Variants in CTSO observed in about 807,000 individuals in gnomAD.
The protein encoded by CTSO is cathepsin O.
In CTSO, 40 loss-of-function variants were observed where a neutral mutation model predicts 42.4. The ratio of observed to expected loss-of-function variants is 0.94; its 90% CI spans 0.73 to 1.23. The LOEUF (loss-of-function observed/expected upper bound fraction) is 1.23, where lower values mean the gene tolerates loss of function less well. Among genes scored for constraint, CTSO ranks in the 50% most tolerant of loss-of-function variants. The pLI is 0.00. For missense variants in CTSO, 441 were observed against 396.0 expected (o/e 1.11, Z -0.96); for synonymous variants, 156 against 146.2 (o/e 1.07, Z -0.48).
intron 1 of CTSO, among the ~76,000 whole-genome samples, chr4:155,950,506 GAA>G (rs10550978): frequency 0.16 from 24,582 of 152,072 alleles, 2,525 homozygotes; most frequent in Non-Finnish European, 0.24. Flanking sequence ...AGATTCATCA[GAA>G]AAAGTCTGCT....
Position 155,928,418 on chromosome 4 carries a change from T to C in CTSO, c.849A>G (p.Pro283=). ...ITGFDKTGST[P]YWIVRNSWGS... is the part of the protein sequence containing the mutation. ...CCCAGGAATTCCGCACAATCCAATA[T>C]GGAGTGCTTCCTACAGTGAAACATA... Residue 283 remains proline (P), a synonymous_variant, in exon 7 of 8, where the codon CCA becomes CCG. Transcript: ENST00000433477. The C allele has an allele frequency of 1.5e-5, 24 of 1,610,002 alleles. No individual in the cohort carries two copies. The highest frequency in any genetic ancestry group is 2.0e-5 in the Non-Finnish European group (24 of 1,177,514).
Position 155,937,468 on chromosome 4 carries a change from C to A in CTSO, c.568G>T (p.Val190Leu). The A allele has an allele frequency of 3.1e-6, 5 of 1,613,096 alleles. No individual in the cohort carries two copies. Among genetic ancestry groups the A allele is most frequent in the Non-Finnish European group, 4.2e-6 (5 of 1,179,450 alleles). ...TTAAAAGGATATTCTGAATCTTTCA[C>A]CAGTTTTACTTGCATCTAAAAGAAA... ...NWLNKMQVKL[V>L]KDSEYPFKAQ... The change falls in exon 5 of 8, where the codon GTG becomes TTG. Residue 190 changes from valine to leucine, a missense_variant. Physicochemically the swap from Val to Leu is conservative, Grantham distance 32 (BLOSUM62 1). Coordinates refer to ENST00000433477, the MANE Select transcript of CTSO (RefSeq NM_001334.3).
At chr4:155,942,515 T>C (rs1309326210) in intron 2 of CTSO, 59 bp from the exon 3 acceptor site, 1 of 719,046 alleles carries the variant, frequency 1.4e-6, no homozygotes, top group Non-Finnish European at 1.8e-6. Context: ...TATTATATTA[T>C]ATATATCATA....
intron 1 of CTSO, among the ~76,000 whole-genome samples, chr4:155,945,247 C>A (rs1282660781): frequency 6.6e-6 from 1 of 151,214 alleles, no homozygotes; most frequent in Non-Finnish European, 1.5e-5. Context: ...ACAGAGCGAG[C>A]CTCCAACTCA....
chr4:155,941,587 G>A (rs1055662882), intron 3 of CTSO, among the ~76,000 whole-genome samples: 3 of 152,180 alleles, frequency 2.0e-5, no homozygotes, highest in African/African-American at 7.2e-5. Context: ...GTGTAAAACT[G>A]TGCTACTGTG....
chr4:155,943,301 G>T, intron 1 of CTSO, 37 bp from the exon 2 acceptor site: 1 of 1,309,800 alleles, frequency 7.6e-7, no homozygotes, highest in Non-Finnish European at 1.1e-6. Context: ...TATCCACTAT[G>T]TCAGTTTTCC....
At chr4:155,939,902 G>A (rs1743398695) in intron 3 of CTSO, among the ~76,000 whole-genome samples, 1 of 152,114 alleles carries the variant, frequency 6.6e-6, no homozygotes, top group African/African-American at 2.4e-5. Flanking sequence ...TCTGGAGAGT[G>A]TGTGCCGACT....
intron 1 of CTSO, among the ~76,000 whole-genome samples, chr4:155,950,454 G>T (rs1743651879): frequency 6.6e-6 from 1 of 152,162 alleles, no homozygotes; most frequent in Non-Finnish European, 1.5e-5. Flanking sequence ...ATGATTTTAA[G>T]TTTATGATAT....
intron 6 of CTSO, 141 bp downstream of exon 6, chr4:155,929,400 TA>T (rs1205819576): frequency 5.1e-6 from 4 of 783,162 alleles, no homozygotes. Context: ...CATTTACTCC[TA>T]TAAGATTGTT....
intron 1 of CTSO, among the ~76,000 whole-genome samples, chr4:155,943,497 A>G (rs1743477741): frequency 6.6e-6 from 1 of 152,176 alleles, no homozygotes; most frequent in South Asian, 2.1e-4. Flanking sequence ...TTATTCATTT[A>G]TAATTCCCCA....
In CTSO at chr4:155,942,450, T is replaced by C; in HGVS notation, c.251A>G (p.Tyr84Cys). 6.6e-7 allele frequency: 1 copy of C among 1,526,490 alleles called. No homozygotes were observed. The highest frequency in any genetic ancestry group is 8.8e-7 in the Non-Finnish European group (1 of 1,136,680). 94.6% of individuals were successfully genotyped at this position (1,526,490 alleles called of 1,614,324 possible). A position where few individuals can be genotyped will look rare whatever the true frequency, so the allele number is the denominator to read the frequency against. Residue 84 changes from tyrosine (Y) to cysteine (C), a missense_variant, in exon 3 of 8, where the codon TAT becomes TGT. Physicochemically the swap from Tyr to Cys is radical, Grantham distance 194. Transcript: ENST00000433477. ...YLFPEEFKAI[Y>C]LRSKPSKFPR... is the part of the protein sequence containing the mutation. The stretch of plus-strand genomic sequence containing the variant: ...AAACTTGGAAGGTTTGCTTCTTAAA[T>C]AAATGGCTGAGTAGAAACATAAAAT...
rs1009180813 is a variant in CTSO, at chr4:155,925,047, T to C, written c.*989A>G. 1 of 152,112 alleles carries C rather than the reference T, an allele frequency of 6.6e-6. No individual in the cohort carries two copies. The highest frequency in any genetic ancestry group is 1.5e-5 in the Non-Finnish European group (1 of 68,052). 9.4% of individuals were successfully genotyped at this position (152,112 alleles called of 1,614,324 possible). A position where few individuals can be genotyped will look rare whatever the true frequency, so the allele number is the denominator to read the frequency against. ...GGGACTTTGATAGGAGTGGTGCTTA[T>C]GAATTAAGGGAGGAAGAAAGAGGTG... is the stretch of plus-strand genomic sequence containing the variant. On this transcript the variant is annotated 3_prime_UTR_variant, in exon 8 of 8. Transcript: ENST00000433477.
intron 2 of CTSO, among the ~76,000 whole-genome samples, chr4:155,942,746 T>C (rs1448047429): frequency 6.6e-6 from 1 of 152,026 alleles, no homozygotes; most frequent in Non-Finnish European, 1.5e-5. Context: ...CAAAAGAGAA[T>C]TCCTACAATA....
chr4:155,925,906 A>G lies in CTSO; in HGVS notation c.*130T>C. 1 of 770,278 alleles carries G rather than the reference A, an allele frequency of 1.3e-6. No individual in the cohort carries two copies. Among genetic ancestry groups the G allele is most frequent in the Non-Finnish European group, 2.1e-6 (1 of 473,644 alleles). 47.7% of individuals were successfully genotyped at this position (770,278 alleles called of 1,614,324 possible). ...GAACATTCTGAAACTTAGTTTAAAT[A>G]CTACTAGGCCTTAGAATCTTTTGTA... On this transcript the variant is annotated 3_prime_UTR_variant, in exon 8 of 8. Coordinates refer to ENST00000433477, the MANE Select transcript of CTSO (RefSeq NM_001334.3).
intron 1 of CTSO, among the ~76,000 whole-genome samples, chr4:155,947,448 G>A (rs139350736): frequency 6.6e-6 from 1 of 152,272 alleles, no homozygotes; most frequent in Non-Finnish European, 1.5e-5. Context: ...CTTGGAGCAA[G>A]TATTTCTCAT....
Position 155,926,015 on chromosome 4 carries a change from T to C in CTSO, c.*21A>G. ...ATGAAAACCTTCATTTTTGTAGCTG[T>C]CTCTTGATCTGCCCAACATGTCACA... On this transcript the variant is annotated 3_prime_UTR_variant, in exon 8 of 8. Coordinates refer to ENST00000433477, the MANE Select transcript of CTSO (RefSeq NM_001334.3). The C allele has an allele frequency of 6.3e-7, 1 of 1,598,926 alleles. No individual in the cohort carries two copies. Among genetic ancestry groups the C allele is most frequent in the Non-Finnish European group, 8.5e-7 (1 of 1,171,642 alleles).
chr4:155,938,431 A>G (rs571181201), intron 4 of CTSO, among the ~76,000 whole-genome samples: 3 of 152,314 alleles, frequency 2.0e-5, no homozygotes, highest in African/African-American at 7.2e-5. Context: ...ACAGAAACTA[A>G]TAGCACCCTC....
At chr4:155,948,840 CAA>C (rs1474775327) in intron 1 of CTSO, among the ~76,000 whole-genome samples, 2 of 152,162 alleles carry the variant, frequency 1.3e-5, no homozygotes, top group African/African-American at 4.8e-5. Flanking sequence ...TCAAAACAAT[CAA>C]AGAGTAGAAA....
chr4:155,947,542 A>G (rs1180619960), intron 1 of CTSO, among the ~76,000 whole-genome samples: 2 of 152,216 alleles, frequency 1.3e-5, no homozygotes, highest in Non-Finnish European at 2.9e-5. Flanking sequence ...TATATCCAAG[A>G]ATATCTATTC....
Sources: gnomAD v4.1 joint callset for allele counts (sites outside exome capture counted in the v4.1 genomes callset) on GRCh38, gnomAD v4.1.1 for gene constraint, MANE v1.5 for transcripts, NCBI Gene and HGNC (gene_info 2026-07-23, HGNC 2026-07-21) for gene names.